The following TRAPPC9 variants were observed in gnomAD, a reference collection of about 807,000 sequenced individuals.
TRAPPC9 encodes the protein IKK2 binding protein.
In TRAPPC9, 83 loss-of-function variants were observed where a neutral mutation model predicts 124.0. The observed-to-expected ratio is 0.67, with a 90% confidence interval of 0.56 to 0.80. The LOEUF (loss-of-function observed/expected upper bound fraction) is 0.80, where lower values mean the gene tolerates loss of function less well. Ranked by LOEUF, TRAPPC9 falls within the 30% of genes least tolerant of loss-of-function variation. The pLI is 0.00. For synonymous variants in TRAPPC9, 638 were observed against 617.5 expected (o/e 1.03, Z -0.49); for missense variants, 1,302 against 1,508.3 (o/e 0.86, Z 2.27).
At chr8:140,130,368 A>G (rs1203026152) in intron 17 of TRAPPC9, among the ~76,000 whole-genome samples, 1 of 152,230 alleles carries the variant, frequency 6.6e-6, no homozygotes, top group African/African-American at 2.4e-5. Context: ...TGACACTGTC[A>G]GAACTGGGAT....
chr8:139,865,051 A>T (rs1429564988), intron 21 of TRAPPC9, among the ~76,000 whole-genome samples: 1 of 152,206 alleles, frequency 6.6e-6, no homozygotes, highest in Non-Finnish European at 1.5e-5. Context: ...GGTTCAAGCC[A>T]GCGGTCTACA....
At chr8:140,205,662 T>TC (rs1048023443) in intron 17 of TRAPPC9, among the ~76,000 whole-genome samples, 1 of 152,138 alleles carries the variant, frequency 6.6e-6, no homozygotes, top group African/African-American at 2.4e-5. Flanking sequence ...GGAGGAGGAA[T>TC]CCCCACCCAG....
intron 16 of TRAPPC9, among the ~76,000 whole-genome samples, chr8:140,229,693 G>A (rs546164725): frequency 1.2e-4 from 18 of 152,054 alleles, no homozygotes; most frequent in Admixed American, 9.8e-4. Context: ...AAGTGGCTGC[G>A]ATTACAGGCG....
intron 21 of TRAPPC9, among the ~76,000 whole-genome samples, chr8:139,875,058 G>C (rs536596020): frequency 2.4e-4 from 37 of 152,278 alleles, no homozygotes; most frequent in African/African-American, 8.4e-4. Flanking sequence ...TTTTTCTTTT[G>C]GGGATCAAGA....
At chr8:139,736,381 G>A (rs1358420420) in intron 21 of TRAPPC9, among the ~76,000 whole-genome samples, 1 of 152,144 alleles carries the variant, frequency 6.6e-6, no homozygotes, top group Non-Finnish European at 1.5e-5. Flanking sequence ...AATGACTGCC[G>A]ACCAAATTAA....
At chr8:139,745,051 G>A (rs13268346) in intron 21 of TRAPPC9, among the ~76,000 whole-genome samples, 29,965 of 152,094 alleles carry the variant, frequency 0.2, 3,881 homozygotes, top group Non-Finnish European at 0.29. Context: ...TTCCCTTCCA[G>A]GTAGGCCTCC....
intron 21 of TRAPPC9, among the ~76,000 whole-genome samples, chr8:139,816,295 C>A (rs928333602): frequency 6.6e-6 from 1 of 152,234 alleles, no homozygotes; most frequent in African/African-American, 2.4e-5. Context: ...TAGTGGGTAC[C>A]TTCCGGTGAA....
intron 19 of TRAPPC9, among the ~76,000 whole-genome samples, chr8:139,941,283 A>C (rs1482889265): frequency 3.3e-5 from 5 of 152,232 alleles, no homozygotes; most frequent in Non-Finnish European, 7.3e-5. Flanking sequence ...GAAGCCTCAC[A>C]GGGAAACAAC....
intron 9 of TRAPPC9, among the ~76,000 whole-genome samples, chr8:140,337,633 G>A (rs1563956098): frequency 6.6e-6 from 1 of 152,206 alleles, no homozygotes; most frequent in East Asian, 1.9e-4. Context: ...CAGCACGTGG[G>A]TGCGGGTACC....
At chr8:140,049,169 G>C (rs541748706) in intron 17 of TRAPPC9, among the ~76,000 whole-genome samples, 2 of 152,260 alleles carry the variant, frequency 1.3e-5, no homozygotes, top group South Asian at 2.1e-4. Context: ...AACTCATACA[G>C]GTAAAGTAAA....
chr8:139,803,554 C>T (rs1823718572), intron 21 of TRAPPC9, among the ~76,000 whole-genome samples: 1 of 152,260 alleles, frequency 6.6e-6, no homozygotes, highest in East Asian at 1.9e-4. Flanking sequence ...GGAGGGTGTG[C>T]ACACACAGAC....
chr8:139,899,472 C>T (rs138656493), intron 20 of TRAPPC9, among the ~76,000 whole-genome samples: 17 of 151,160 alleles, frequency 1.1e-4, no homozygotes, highest in African/African-American at 7.4e-5. Flanking sequence ...TCATCCTTAT[C>T]TTCACGTTGC....
At chr8:139,840,711 C>T (rs1365617105) in intron 21 of TRAPPC9, among the ~76,000 whole-genome samples, 3 of 152,308 alleles carry the variant, frequency 2.0e-5, no homozygotes, top group African/African-American at 7.2e-5. Context: ...TCCACACTCT[C>T]ACAGTCTTTA....
chr8:140,362,992 T>G (rs1300196970), intron 8 of TRAPPC9, among the ~76,000 whole-genome samples: 1 of 152,228 alleles, frequency 6.6e-6, no homozygotes, highest in African/African-American at 2.4e-5. Context: ...CTATAAAATG[T>G]GAATTATTTT....
intron 17 of TRAPPC9, among the ~76,000 whole-genome samples, chr8:140,120,343 CCTCTCCTCAGCAA>C (rs1271217076): frequency 1.3e-5 from 2 of 152,248 alleles, no homozygotes; most frequent in African/African-American, 4.8e-5. Flanking sequence ...TCTTCCAGCA[CCTCTCCTCAGCAA>C]CTGGAAGGAG....
intron 20 of TRAPPC9, among the ~76,000 whole-genome samples, chr8:139,904,278 G>A (rs903678536): frequency 1.3e-5 from 2 of 152,232 alleles, no homozygotes; most frequent in African/African-American, 4.8e-5. Flanking sequence ...ATTAAAGACT[G>A]TAACTAACAA....
At chr8:140,291,852 C>T (rs1438357984) in intron 11 of TRAPPC9, among the ~76,000 whole-genome samples, 1 of 152,224 alleles carries the variant, frequency 6.6e-6, no homozygotes, top group Admixed American at 6.5e-5. Context: ...GAGCTGAAAG[C>T]AGCACCGGCA....
chr8:140,348,277 G>A (rs999328446), intron 9 of TRAPPC9, among the ~76,000 whole-genome samples: 4 of 152,202 alleles, frequency 2.6e-5, no homozygotes, highest in African/African-American at 9.7e-5. Flanking sequence ...ATAGTCAAAT[G>A]AGCAGGAGGG....
chr8:140,454,742 C>A (rs529601596), intron 1 of TRAPPC9, among the ~76,000 whole-genome samples: 1 of 151,306 alleles, frequency 6.6e-6, no homozygotes, highest in Admixed American at 6.6e-5. Flanking sequence ...AGTTCGAGAC[C>A]AGCCTGGCCA....
Sources: allele counts gnomAD v4.1 joint callset (sites outside exome capture counted in the v4.1 genomes callset), GRCh38; gene constraint gnomAD v4.1.1; transcripts MANE v1.5; gene names NCBI Gene and HGNC (gene_info 2026-07-23, HGNC 2026-07-21).